The following KIF2A variants were observed in gnomAD, a reference collection of about 807,000 sequenced individuals.
KIF2A encodes the protein kinesin family member 2A, also known as kinesin-like protein KIF2A.
Under a neutral mutation model 100.2 loss-of-function variants are expected in KIF2A, and 22 were observed. The observed-to-expected ratio is 0.22, with a 90% CI of 0.16 to 0.31. KIF2A has a LOEUF of 0.31. Among genes scored for constraint, KIF2A ranks in the 10% least tolerant of loss-of-function variants. The probability of loss-of-function intolerance (pLI) is 1.00; values close to 1 mark genes in which losing one functional copy is unlikely to be tolerated. For missense variants in KIF2A, 495 were observed against 898.7 expected, an observed-to-expected ratio of 0.55 and a Z score of 5.74; for synonymous variants, 268 against 285.9, an observed-to-expected ratio of 0.94 and a Z score of 0.63.
intron 1 of KIF2A, among the ~76,000 whole-genome samples, chr5:62,337,421 G>GGCAGAGGTTGC (rs1292349401): frequency 1.3e-5 from 2 of 151,138 alleles, no homozygotes; most frequent in Non-Finnish European, 3.0e-5. Flanking sequence ...GAACCTGGGA[G>GGCAGAGGTTGC]GCAGAGGTTG....
intron 12 of KIF2A, 132 bp from the exon 13 acceptor site, chr5:62,363,046 T>A: frequency 1.5e-6 from 1 of 652,444 alleles, no homozygotes; most frequent in South Asian, 2.4e-5. Flanking sequence ...CAGGCTGGTT[T>A]TGAACTCCTG....
At chr5:62,354,897 T>A (rs1184878670) in intron 6 of KIF2A, among the ~76,000 whole-genome samples, 1 of 152,108 alleles carries the variant, frequency 6.6e-6, no homozygotes, top group African/African-American at 2.4e-5. Context: ...GAAGGGTAAC[T>A]TCAATGAAGA....
intron 1 of KIF2A, among the ~76,000 whole-genome samples, chr5:62,309,698 T>TGG (rs1481588229): frequency 6.6e-6 from 1 of 152,162 alleles, no homozygotes; most frequent in Non-Finnish European, 1.5e-5. Context: ...ATGTTTTTCT[T>TGG]TTGGCTTGCT....
chr5:62,334,894 C>A (rs264525), intron 1 of KIF2A, among the ~76,000 whole-genome samples: 131,453 of 151,988 alleles, frequency 0.86, 57,076 homozygotes, highest in Middle Eastern at 0.93. Flanking sequence ...ATGGAATACT[C>A]CCCGCCTCGG....
At chr5:62,315,918 A>AT (rs754653794) in intron 1 of KIF2A, among the ~76,000 whole-genome samples, 2 of 152,232 alleles carry the variant, frequency 1.3e-5, no homozygotes, top group Non-Finnish European at 2.9e-5. Flanking sequence ...TTGATGTTAT[A>AT]TTGCAATATA....
intron 16 of KIF2A, among the ~76,000 whole-genome samples, chr5:62,370,455 A>C (rs1741272427): frequency 6.6e-6 from 1 of 151,900 alleles, no homozygotes; most frequent in African/African-American, 2.4e-5. Context: ...CACCACGCCC[A>C]GCTAATTTTT....
In KIF2A at chr5:62,358,309, T is replaced by C. The variant is rs761341416; in HGVS notation, c.872+10T>C. 3.3e-6 allele frequency: 5 copies of C among 1,537,156 alleles called. No individual in the cohort carries two copies. Among genetic ancestry groups the C allele is most frequent in the Middle Eastern group, 1.7e-4 (1 of 5,760 alleles). On this transcript the variant is annotated intron_variant, in intron 9 of 20. Coordinates refer to ENST00000407818, the MANE Select transcript of KIF2A (RefSeq NM_001098511.3). ...ATGAAATGGTTTACAGGTAGGTAAA[T>C]TCATTTTAAATCAGAATTTTGTTCT...
chr5:62,317,921 C>G (rs996144618), intron 1 of KIF2A, among the ~76,000 whole-genome samples: 2 of 141,728 alleles, frequency 1.4e-5, no homozygotes, highest in African/African-American at 5.3e-5. Flanking sequence ...TGTTTAAACT[C>G]TCTTGCTCAC....
At position 62,363,598 on chromosome 5, in the gene KIF2A, G is replaced by A. The variant is rs930645214; in HGVS notation, c.1263-97G>A. The A allele has an allele frequency of 4.7e-6, 5 of 1,067,790 alleles. No individual in the cohort carries two copies. In the Admixed American group the frequency reaches 1.1e-4, roughly 24 times the overall value. 66.1% of individuals were successfully genotyped at this position (1,067,790 alleles called of 1,614,324 possible). On this transcript the variant is annotated intron_variant, in intron 13 of 20. Coordinates refer to ENST00000407818, the MANE Select transcript of KIF2A (RefSeq NM_001098511.3). ...TTAAAAGATGAAAACTAGCTAAATC[G>A]ATGTTTTTGCTGCTGTTGTTTTTAA...
At chr5:62,335,687 A>G (rs1481284248) in intron 1 of KIF2A, among the ~76,000 whole-genome samples, 6 of 151,936 alleles carry the variant, frequency 3.9e-5, no homozygotes, top group Non-Finnish European at 8.8e-5. Context: ...CCACCTTTTC[A>G]CCTCTCAATG....
At position 62,348,088 on chromosome 5, in the gene KIF2A, T is replaced by A; in HGVS notation, c.200T>A (p.Val67Asp). The change falls in exon 3 of 21, where the codon GTT becomes GAT. Residue 67 changes from valine (V) to aspartate (D), a missense_variant. Transcript: ENST00000407818. ...ATCTTTTCACTTAACCCTGACCTTG[T>A]TCCTGATGAAGAAATTGAACCCAGT... ...ESIFSLNPDL[V>D]PDEEIEPSPE... is the part of the protein sequence containing the mutation. 1 of 1,613,868 alleles carries A rather than the reference T, an allele frequency of 6.2e-7. No homozygotes were observed. Among genetic ancestry groups the A allele is most frequent in the Non-Finnish European group, 8.5e-7 (1 of 1,179,790 alleles).
chr5:62,348,155 C>A lies in KIF2A; in HGVS notation c.267C>A (p.Asn89Lys). 1 of 1,613,552 alleles carries A rather than the reference C, an allele frequency of 6.2e-7. No homozygotes were observed. The highest frequency in any genetic ancestry group is 8.5e-7 in the Non-Finnish European group (1 of 1,179,706). ...CTCCAGCATCCTCAGCCAAAGTAAA[C>A]AAAATTGTAAAGGTTAGTGATGAAA... ...PPPPASSAKV[N>K]KIVKNRRTVA... The change falls in exon 3 of 21, where the codon AAC becomes AAA. Residue 89 changes from asparagine to lysine, a missense_variant. Asn to Lys is a moderately conservative substitution (Grantham distance 94). Around this residue, in one of 10 missense-constraint regions of KIF2A, gnomAD observed 115 missense variants for 143.6 expected, o/e 0.80. Coordinates refer to ENST00000407818, the MANE Select transcript of KIF2A (RefSeq NM_001098511.3).
chr5:62,320,846 A>T (rs1370615349), intron 1 of KIF2A, among the ~76,000 whole-genome samples: 1 of 152,138 alleles, frequency 6.6e-6, no homozygotes, highest in African/African-American at 2.4e-5. Flanking sequence ...ATATTCATGA[A>T]GTTGTACAAT....
intron 1 of KIF2A, among the ~76,000 whole-genome samples, chr5:62,344,467 G>T (rs755653413): frequency 6.6e-6 from 1 of 152,096 alleles, no homozygotes; most frequent in African/African-American, 2.4e-5. Context: ...GTAGCTTAAA[G>T]AAATCTGACA....
At chr5:62,352,931 G>A (rs1435915228) in intron 5 of KIF2A, 10 of 429,774 alleles carry the variant, frequency 2.3e-5, no homozygotes, top group Non-Finnish European at 4.1e-5. Context: ...TTATAGCAAT[G>A]TTTCAGTTTG....
At chr5:62,331,559 C>T (rs567986719) in intron 1 of KIF2A, among the ~76,000 whole-genome samples, 1 of 152,172 alleles carries the variant, frequency 6.6e-6, no homozygotes, top group South Asian at 2.1e-4. Context: ...CACTGTACTC[C>T]AGCCTGGGTG....
At chr5:62,314,267 T>A (rs1745697088) in intron 1 of KIF2A, among the ~76,000 whole-genome samples, 1 of 151,988 alleles carries the variant, frequency 6.6e-6, no homozygotes, top group South Asian at 2.1e-4. Flanking sequence ...AGGAGTTGGA[T>A]ACCAGCCTGG....
chr5:62,306,507 G>A lies in KIF2A; in HGVS notation c.35G>A (p.Gly12Glu), dbSNP rs752517127. 9.1e-5 allele frequency: 140 copies of A among 1,546,462 alleles called. No individual in the cohort carries two copies. Among genetic ancestry groups the A allele is most frequent in the Non-Finnish European group, 2.0e-5 (23 of 1,145,172 alleles). ...ATANFGKIQIGIYVEIKRSDG... is the reference protein window; with the variant it reads ...ATANFGKIQIEIYVEIKRSDG... Reference sequence around the variant, plus strand: ...GCCAACTTCGGCAAGATCCAGATCGGGATTTACGTGGAGATCAAGCGCAGC... The same window carrying A: ...GCCAACTTCGGCAAGATCCAGATCGAGATTTACGTGGAGATCAAGCGCAGC... Residue 12 changes from glycine (G) to glutamate (E), a missense_variant, in exon 1 of 21, where the codon GGG (glycine) becomes GAG (glutamate). Coordinates refer to ENST00000407818, the MANE Select transcript of KIF2A (RefSeq NM_001098511.3).
At chr5:62,359,619 A>C (rs1043430961) in intron 9 of KIF2A, among the ~76,000 whole-genome samples, 1 of 152,162 alleles carries the variant, frequency 6.6e-6, no homozygotes, top group Non-Finnish European at 1.5e-5. Context: ...CTCCTGCCTC[A>C]TAAAATATAA....
Sources: gnomAD v4.1 joint callset for allele counts (sites outside exome capture counted in the v4.1 genomes callset) on GRCh38, gnomAD v4.1.1 for gene constraint, gnomAD v4.1.1 regional missense constraint, MANE v1.5 for transcripts, NCBI Gene and HGNC (gene_info 2026-07-23, HGNC 2026-07-21) for gene names.